PITPNC1: variants seen among roughly 807,000 people sequenced by gnomAD.
The protein encoded by PITPNC1 is phosphatidylinositol transfer protein cytoplasmic 1, also known as cytoplasmic phosphatidylinositol transfer protein 1.
PITPNC1 carries 18 observed loss-of-function variants against 44.7 expected under a neutral mutation model. That is an observed-to-expected ratio of 0.40 (90% CI 0.28 to 0.60). PITPNC1 has a LOEUF of 0.60. PITPNC1 is among the 20% of genes least tolerant of loss of function. The probability of loss-of-function intolerance (pLI) is 0.39; values close to 1 mark genes in which losing one functional copy is unlikely to be tolerated. For missense variants in PITPNC1, 290 were observed against 418.4 expected (o/e 0.69, Z 2.68); for synonymous variants, 141 against 149.6 (o/e 0.94, Z 0.42).
intron 5 of PITPNC1, among the ~76,000 whole-genome samples, chr17:67,599,024 ATATATATATATT>A (rs1438823011): frequency 0.033 from 1,183 of 35,600 alleles, 14 homozygotes; most frequent in East Asian, 0.043. Flanking sequence ...ATATATATAT[ATATATATATATT>A]TTTTTTTTTT....
At position 67,549,362 on chromosome 17, in the gene PITPNC1, C is replaced by T. The variant is rs1184311726; in HGVS notation, c.198-2895C>T. Among the ~76,000 whole-genome samples the T allele has an allele frequency of 5.3e-5, 8 of 152,084 alleles. No homozygotes were observed. The East Asian group carries it at 7.7e-4, about 15-fold the overall frequency. On this transcript the variant is annotated intron_variant, in intron 2 of 8. Transcript: ENST00000581322. Reference sequence around the variant, plus strand: ...ACTGCACTCTCGTGTGGGGATAGAGCGAGACGTCTCCCAAAAAAGGAAGAA... The same window carrying T: ...ACTGCACTCTCGTGTGGGGATAGAGTGAGACGTCTCCCAAAAAAGGAAGAA...
rs368585649 is a variant in PITPNC1 at position 67,635,086 on chromosome 17, AT to A, written c.462+2849del. ...CAACAGAGACTCGGTCTCAAAAAAA[AT>A]AATAATAAATAATAAATGAAGCTGA... is the stretch of plus-strand genomic sequence containing the variant. On this transcript the variant is annotated intron_variant, in intron 6 of 8. Coordinates refer to ENST00000581322, the MANE Select transcript of PITPNC1 (RefSeq NM_012417.4). 1.2e-3 allele frequency among the ~76,000 whole-genome samples: 181 copies of A among 152,328 alleles called. 4 individuals carry two copies. The East Asian group carries it at 0.031, about 26-fold the overall frequency.
intron 1 of PITPNC1, among the ~76,000 whole-genome samples, chr17:67,528,766 T>A (rs58670175): frequency 2.9e-3 from 437 of 152,330 alleles, no homozygotes; most frequent in African/African-American, 9.9e-3. Context: ...GGAGAAGGTC[T>A]GGAACAACCT....
chr17:67,401,561 G>GT (rs2038311090), intron 1 of PITPNC1, among the ~76,000 whole-genome samples: 1 of 152,002 alleles, frequency 6.6e-6, no homozygotes, highest in Non-Finnish European at 1.5e-5. Flanking sequence ...AATCTATAAT[G>GT]TTGGCTGGGT....
At chr17:67,671,705 T>C (rs1313938770) in intron 7 of PITPNC1, among the ~76,000 whole-genome samples, 1 of 152,102 alleles carries the variant, frequency 6.6e-6, no homozygotes, top group Non-Finnish European at 1.5e-5. Context: ...GGAGCCAGAA[T>C]GAAATGTGAT....
In PITPNC1 at chr17:67,502,560, T is replaced by C. The variant is rs1252441932; in HGVS notation, c.49-30242T>C. Among the ~76,000 whole-genome samples the C allele has an allele frequency of 6.4e-4, 97 of 152,102 alleles. 1 individual carries two copies. Among genetic ancestry groups the C allele is most frequent in the Non-Finnish European group, 7.4e-5 (5 of 68,004 alleles). On this transcript the variant is annotated intron_variant, in intron 1 of 8. Coordinates refer to ENST00000581322, the MANE Select transcript of PITPNC1 (RefSeq NM_012417.4). ...GGATGGAAGAGGATTGGGGGCAGCA[T>C]TGGGGCTGTTGTCAGTAAGTGACAT...
intron 2 of PITPNC1, among the ~76,000 whole-genome samples, chr17:67,550,991 G>A (rs2040754669): frequency 6.6e-6 from 1 of 152,170 alleles, no homozygotes; most frequent in Admixed American, 6.5e-5. Flanking sequence ...AACCTGGGAG[G>A]CGGAGCTTGC....
chr17:67,482,938 G>A (rs71382127), intron 1 of PITPNC1, among the ~76,000 whole-genome samples: 12,429 of 152,184 alleles, frequency 0.082, 576 homozygotes, highest in Middle Eastern at 0.13. Flanking sequence ...ACTAGGAACC[G>A]TGGGTCTGAC....
intron 1 of PITPNC1, among the ~76,000 whole-genome samples, chr17:67,415,313 A>G (rs2038571417): frequency 6.6e-6 from 1 of 152,014 alleles, no homozygotes; most frequent in African/African-American, 2.4e-5. Flanking sequence ...GCCATACTTC[A>G]TTTCTCTTCT....
At chr17:67,378,230 C>T in intron 1 of PITPNC1, 28 bp downstream of exon 1, 1 of 1,453,626 alleles carries the variant, frequency 6.9e-7, no homozygotes, top group Non-Finnish European at 9.1e-7. Context: ...CCCGGCCTCG[C>T]CCGCTCCGGG....
At chr17:67,381,567 C>T (rs917850729) in intron 1 of PITPNC1, among the ~76,000 whole-genome samples, 3 of 151,210 alleles carry the variant, frequency 2.0e-5, no homozygotes, top group Non-Finnish European at 4.4e-5. Context: ...CCCGGGTTCA[C>T]GCGAGTCTCC....
intron 5 of PITPNC1, among the ~76,000 whole-genome samples, chr17:67,590,822 G>T (rs1263136087): frequency 6.6e-6 from 1 of 151,902 alleles, no homozygotes; most frequent in African/African-American, 2.4e-5. Flanking sequence ...GCGTGGTGGT[G>T]GGCACCTGTA....
chr17:67,532,577 C>T lies in PITPNC1; in HGVS notation c.49-225C>T, dbSNP rs532535073. The stretch of plus-strand genomic sequence containing the variant: ...TGCCAGCCACCCGGCCGAGCATTTG[C>T]CAAGGTGATGTAAAATATTCACGGG... On this transcript the variant is annotated intron_variant, in intron 1 of 8. Transcript: ENST00000581322. Among the ~76,000 whole-genome samples, 3 of 152,208 alleles carry T rather than the reference C, an allele frequency of 2.0e-5. No homozygotes were observed. The East Asian group carries it at 5.8e-4, about 30-fold the overall frequency.
chr17:67,655,710 G>A (rs569511228), intron 6 of PITPNC1, among the ~76,000 whole-genome samples: 2 of 152,278 alleles, frequency 1.3e-5, no homozygotes, highest in South Asian at 4.2e-4. Context: ...AAGGCAGGAA[G>A]TGTGCTTGAG....
intron 1 of PITPNC1, among the ~76,000 whole-genome samples, chr17:67,528,993 G>A (rs77230422): frequency 0.013 from 1,992 of 152,264 alleles, 43 homozygotes; most frequent in African/African-American, 0.046. Flanking sequence ...AGGGGAAGAA[G>A]TGACGGCTGC....
intron 5 of PITPNC1, among the ~76,000 whole-genome samples, chr17:67,628,510 C>T (rs1444961049): frequency 3.3e-5 from 5 of 152,044 alleles, no homozygotes; most frequent in Admixed American, 3.3e-4. Flanking sequence ...GAGAGAATAC[C>T]CAGGAAGGAC....
chr17:67,594,361 A>G (rs1282791531), intron 5 of PITPNC1, among the ~76,000 whole-genome samples: 1 of 152,158 alleles, frequency 6.6e-6, no homozygotes, highest in African/African-American at 2.4e-5. Flanking sequence ...TTGGAGATCC[A>G]CAAATGGGGA....
chr17:67,633,116 G>A (rs956430484), intron 6 of PITPNC1, among the ~76,000 whole-genome samples: 3 of 152,098 alleles, frequency 2.0e-5, no homozygotes, highest in African/African-American at 4.8e-5. Flanking sequence ...GGCTGCTGAC[G>A]GAACTTGGGT....
intron 7 of PITPNC1, among the ~76,000 whole-genome samples, chr17:67,671,930 A>G (rs1267512884): frequency 6.6e-6 from 1 of 151,702 alleles, no homozygotes; most frequent in Non-Finnish European, 1.5e-5. Flanking sequence ...TCATAGTATT[A>G]TTTTGTTTTG....
Sources: allele counts gnomAD v4.1 joint callset (sites outside exome capture counted in the v4.1 genomes callset), GRCh38; gene constraint gnomAD v4.1.1; transcripts MANE v1.5; gene names NCBI Gene and HGNC (gene_info 2026-07-23, HGNC 2026-07-21).